Variants in RYR2 observed in about 807,000 individuals in gnomAD.
RYR2 encodes the protein ryanodine receptor 2.
Under a neutral mutation model 601.1 loss-of-function variants are expected in RYR2, and 227 were observed. That is an observed-to-expected ratio of 0.38 (90% CI 0.34 to 0.42). The LOEUF (loss-of-function observed/expected upper bound fraction) is 0.42. Ranked by LOEUF, RYR2 falls within the 10% of genes least tolerant of loss-of-function variation. The pLI, the probability that RYR2 is intolerant of heterozygous loss-of-function variation, is 1.00. For missense variants in RYR2, 4,646 were observed against 6,156.5 expected, an observed-to-expected ratio of 0.75 and a Z score of 8.21; for synonymous variants, 2,223 against 2,175.1, an observed-to-expected ratio of 1.02 and a Z score of -0.61.
chr1:237,768,391 T>A (rs1470948728), intron 84 of RYR2, among the ~76,000 whole-genome samples: 2 of 152,144 alleles, frequency 1.3e-5, no homozygotes, highest in African/African-American at 4.8e-5. Flanking sequence ...TTATCTTTAT[T>A]TTATACAAGA....
At chr1:237,147,571 T>C (rs959873793) in intron 1 of RYR2, among the ~76,000 whole-genome samples, 3 of 152,232 alleles carry the variant, frequency 2.0e-5, no homozygotes, top group Non-Finnish European at 4.4e-5. Flanking sequence ...TAAGATTTCA[T>C]TGGTGATCAC....
rs1269501675 is a variant in RYR2 at position 237,538,774 on chromosome 1, A to C, written c.2906+8264A>C. Among the ~76,000 whole-genome samples the C allele has an allele frequency of 1.9e-3, 4 of 2,086 alleles. No individual in the cohort carries two copies. In the Non-Finnish European group the frequency reaches 0.11, roughly 58 times the overall value. 1.4% of individuals were successfully genotyped at this position (2,086 alleles called of 152,430 possible). A position where few individuals can be genotyped will look rare whatever the true frequency, so the allele number is the denominator to read the frequency against. On this transcript the variant is annotated intron_variant, in intron 25 of 104. Coordinates refer to ENST00000366574, the MANE Select transcript of RYR2 (RefSeq NM_001035.3). ...TGACAGAGTGAGACTCCGTCACAAT[A>C]AAAAAAATTAAAAAAAAATAAAAAT...
intron 3 of RYR2, among the ~76,000 whole-genome samples, chr1:237,350,602 AATAT>A (rs1177777241): frequency 1.2e-3 from 46 of 37,004 alleles, no homozygotes; most frequent in South Asian, 4.9e-3. Context: ...AAAAAAAAAA[AATAT>A]ATATATATAT....
At chr1:237,071,591 C>T (rs1229127881) in intron 1 of RYR2, among the ~76,000 whole-genome samples, 2 of 152,034 alleles carry the variant, frequency 1.3e-5, no homozygotes, top group African/African-American at 2.4e-5. Context: ...TCGGCCATGG[C>T]AGGCCTGGAA....
chr1:237,748,963 AT>A (rs1290958301), intron 80 of RYR2, among the ~76,000 whole-genome samples: 1 of 152,224 alleles, frequency 6.6e-6, no homozygotes, highest in East Asian at 1.9e-4. Flanking sequence ...TCTAGAGATT[AT>A]TTAAAGTAGA....
chr1:237,683,736 T>A (rs1454817105), intron 62 of RYR2, among the ~76,000 whole-genome samples: 2 of 152,152 alleles, frequency 1.3e-5, no homozygotes, highest in African/African-American at 4.8e-5. Context: ...AAGCTTTTTA[T>A]GTGAAAGAAT....
chr1:237,554,821 A>T (rs926769435), intron 27 of RYR2, among the ~76,000 whole-genome samples: 1 of 152,004 alleles, frequency 6.6e-6, no homozygotes, highest in African/African-American at 2.4e-5. Context: ...ATCTTTAATG[A>T]TATCTCTCTT....
intron 2 of RYR2, among the ~76,000 whole-genome samples, chr1:237,312,083 C>G (rs1397231933): frequency 6.6e-6 from 1 of 152,070 alleles, no homozygotes; most frequent in Non-Finnish European, 1.5e-5. Flanking sequence ...TTATGAGGCT[C>G]TGAAGGAAAC....
intron 1 of RYR2, among the ~76,000 whole-genome samples, chr1:237,132,931 G>C (rs10737813): frequency 6.6e-6 from 1 of 151,484 alleles, no homozygotes; most frequent in Non-Finnish European, 1.5e-5. Flanking sequence ...TGTTCAGGTA[G>C]AGTTGGGTTT....
At chr1:237,653,021 A>G (rs533262259) in intron 51 of RYR2, among the ~76,000 whole-genome samples, 2 of 152,248 alleles carry the variant, frequency 1.3e-5, no homozygotes, top group Admixed American at 6.5e-5. Flanking sequence ...ATGTATAGTC[A>G]TAAGATCATT....
intron 3 of RYR2, among the ~76,000 whole-genome samples, chr1:237,348,295 T>C (rs190082688): frequency 5.8e-4 from 88 of 152,286 alleles, no homozygotes; most frequent in African/African-American, 2.1e-3. Context: ...TATTAGCCTT[T>C]GGGAAACAAG....
intron 35 of RYR2, among the ~76,000 whole-genome samples, chr1:237,607,687 G>T (rs1170177513): frequency 6.6e-6 from 1 of 152,146 alleles, no homozygotes; most frequent in African/African-American, 2.4e-5. Flanking sequence ...TTTTAGTTTG[G>T]ACAATTTGAC....
chr1:237,626,924 C>T (rs1054331387), intron 40 of RYR2, among the ~76,000 whole-genome samples: 2 of 151,996 alleles, frequency 1.3e-5, no homozygotes, highest in African/African-American at 4.8e-5. Flanking sequence ...AGTTTATGAT[C>T]TTGAGTGGTT....
chr1:237,095,904 G>C (rs908870193), intron 1 of RYR2, among the ~76,000 whole-genome samples: 1 of 152,212 alleles, frequency 6.6e-6, no homozygotes, highest in Admixed American at 6.5e-5. Flanking sequence ...TGAAGTCTGG[G>C]CATTCCAGGC....
At chr1:237,666,362 T>C in intron 56 of RYR2, 150 bp from the exon 57 acceptor site, 1 of 656,714 alleles carries the variant, frequency 1.5e-6, no homozygotes, top group Non-Finnish European at 2.7e-6. Context: ...GTGCGAGATG[T>C]GTTTACAACA....
intron 1 of RYR2, among the ~76,000 whole-genome samples, chr1:237,096,296 T>C (rs1667500243): frequency 6.6e-6 from 1 of 152,242 alleles, no homozygotes; most frequent in Non-Finnish European, 1.5e-5. Context: ...TTAAATCACA[T>C]GGAACTCTTT....
intron 1 of RYR2, among the ~76,000 whole-genome samples, chr1:237,108,649 G>C (rs574623784): frequency 1.3e-5 from 2 of 152,354 alleles, no homozygotes; most frequent in South Asian, 2.1e-4. Context: ...GAGGCCGGGA[G>C]TGTGTAGGGG....
chr1:237,108,594 G>C (rs1040887917), intron 1 of RYR2, among the ~76,000 whole-genome samples: 1 of 152,200 alleles, frequency 6.6e-6, no homozygotes, highest in African/African-American at 2.4e-5. Flanking sequence ...TCTATCAGTC[G>C]AAATTATTTC....
chr1:237,455,817 C>T (rs1057045126), intron 15 of RYR2, among the ~76,000 whole-genome samples: 1 of 152,172 alleles, frequency 6.6e-6, no homozygotes, highest in Non-Finnish European at 1.5e-5. Context: ...GGACTAGTTT[C>T]CTGGGAGCTT....
Sources: gnomAD v4.1 joint callset for allele counts (sites outside exome capture counted in the v4.1 genomes callset) on GRCh38, gnomAD v4.1.1 for gene constraint, MANE v1.5 for transcripts, NCBI Gene and HGNC (gene_info 2026-07-23, HGNC 2026-07-21) for gene names.